ARHGEF10L: variants seen among roughly 807,000 people sequenced by gnomAD.
ARHGEF10L encodes the protein Rho guanine nucleotide exchange factor 10 like.
In ARHGEF10L, 69 loss-of-function variants were observed where a neutral mutation model predicts 141.2. The observed-to-expected ratio is 0.49, with a 90% CI of 0.40 to 0.60. The LOEUF is 0.60. ARHGEF10L is among the 20% of genes least tolerant of loss of function. The pLI, the probability that ARHGEF10L is intolerant of heterozygous loss-of-function variation, is 0.00. For synonymous variants in ARHGEF10L, 711 were observed against 718.5 expected, an observed-to-expected ratio of 0.99 and a Z score of 0.17; for missense variants, 1,482 against 1,734.3, an observed-to-expected ratio of 0.85 and a Z score of 2.58.
At chr1:17,543,561 G>C (rs2076807583) in intron 1 of ARHGEF10L, among the ~76,000 whole-genome samples, 1 of 151,762 alleles carries the variant, frequency 6.6e-6, no homozygotes, top group Admixed American at 6.6e-5. Context: ...CCAGCCTGGG[G>C]GACAAGAGTA....
At chr1:17,535,380 G>C (rs556950892), upstream of ARHGEF10L, among the ~76,000 whole-genome samples, 1 of 152,208 alleles carries the variant, frequency 6.6e-6, no homozygotes, top group Admixed American at 6.5e-5. Context: ...TGTGTGACCT[G>C]GTTCCTAACA....
rs1170388590 is a variant in ARHGEF10L, at chr1:17,603,943, A to G, written c.433+352A>G. ...ACAGACTGTTACACTCAAAGGGTGA[A>G]GCAGATAAAGCTTTGCAAAGCCCTG... On this transcript the variant is annotated intron_variant, in intron 6 of 28. Transcript: ENST00000361221. The surrounding 1 kb of genome is among the most constrained non-coding windows in gnomAD (Gnocchi z 4.8). Among the ~76,000 whole-genome samples the G allele has an allele frequency of 6.6e-6, 1 of 152,174 alleles. No homozygotes were observed. The highest frequency in any genetic ancestry group is 2.4e-5 in the African/African-American group (1 of 41,442).
intron 1 of ARHGEF10L, among the ~76,000 whole-genome samples, chr1:17,569,007 T>A (rs1195842655): frequency 6.6e-6 from 1 of 152,184 alleles, no homozygotes; most frequent in African/African-American, 2.4e-5. Flanking sequence ...ATTGGCCTGA[T>A]CCTGATGGAT....
In ARHGEF10L at chr1:17,644,015, C is replaced by T. The variant is rs2061460034; in HGVS notation, c.2272+3713C>T. Among the ~76,000 whole-genome samples, 1 of 152,206 alleles carries T rather than the reference C, an allele frequency of 6.6e-6. No homozygotes were observed. The highest frequency in any genetic ancestry group is 1.5e-5 in the Non-Finnish European group (1 of 68,032). ...CTGTACCCTCCCCCGCCACCACCTG[C>T]TCTGCTCACAAAGCTGCATTGCTGC... On this transcript the variant is annotated intron_variant, in intron 21 of 28. Transcript: ENST00000361221. The surrounding 1 kb of genome is among the most constrained non-coding windows in gnomAD (Gnocchi z 4.5).
At chr1:17,565,816 G>A (rs1480954851) in intron 1 of ARHGEF10L, among the ~76,000 whole-genome samples, 1 of 152,152 alleles carries the variant, frequency 6.6e-6, no homozygotes, top group African/African-American at 2.4e-5. Flanking sequence ...GGCAAAAGAT[G>A]CAGTCCCACC....
At chr1:17,531,026 T>G in the ARHGEF10L span, among the ~76,000 whole-genome samples, 5 of 150,334 alleles carry the variant, frequency 3.3e-5, no homozygotes, top group African/African-American at 4.9e-5. Flanking sequence ...AAAATAAAAA[T>G]AAAAAAAAGA....
In ARHGEF10L at chr1:17,656,053, C is replaced by A. The variant is rs779488776; in HGVS notation, c.2656C>A (p.Pro886Thr). The change falls in exon 24 of 29, where the codon CCC becomes ACC. Residue 886 changes from proline (P) to threonine (T), a missense_variant. Physicochemically the swap from Pro to Thr is conservative, Grantham distance 38. This residue lies in a region of ARHGEF10L where 858 missense variants were observed against 966.3 expected (regional missense o/e 0.89). Coordinates refer to ENST00000361221, the MANE Select transcript of ARHGEF10L (RefSeq NM_018125.4). The surrounding 1 kb of genome is among the most constrained non-coding windows in gnomAD (Gnocchi z 4.9). Reference sequence around the variant, plus strand: ...AGACGAGAGCCCGACAGTTGCTGACCCCTCGGCCACGGTGCATCCAACCAT... The same window carrying A: ...AGACGAGAGCCCGACAGTTGCTGACACCTCGGCCACGGTGCATCCAACCAT... ...SRDESPTVAD[P>T]SATVHPTICL... 9 of 1,565,878 alleles carry A rather than the reference C, an allele frequency of 5.7e-6. 1 individual carries two copies. Among genetic ancestry groups the A allele is most frequent in the South Asian group, 3.5e-5 (3 of 85,016 alleles).
At position 17,625,921 on chromosome 1, in the gene ARHGEF10L, G is replaced by A. The variant is rs770182412; in HGVS notation, c.1318-35G>A. The A allele has an allele frequency of 6.3e-7, 1 of 1,597,644 alleles. No individual in the cohort carries two copies. Among genetic ancestry groups the A allele is most frequent in the South Asian group, 1.1e-5 (1 of 90,574 alleles). On this transcript the variant is annotated intron_variant, in intron 13 of 28. Coordinates refer to ENST00000361221, the MANE Select transcript of ARHGEF10L (RefSeq NM_018125.4). The surrounding 1 kb of genome is among the most constrained non-coding windows in gnomAD (Gnocchi z 4.5). ...CTGGGGCACTGGGCCCTCTCTGCAG[G>A]GGGTCAGCGAATGACGGAACCTTGT... is the stretch of plus-strand genomic sequence containing the variant.
intron 1 of ARHGEF10L, among the ~76,000 whole-genome samples, chr1:17,550,913 G>A (rs548335589): frequency 1.3e-5 from 2 of 152,160 alleles, no homozygotes; most frequent in East Asian, 3.9e-4. Context: ...TTAGTGCCAG[G>A]TGCTGAACTA....
chr1:17,612,625 A>G (rs1234739336), intron 7 of ARHGEF10L, among the ~76,000 whole-genome samples: 1 of 152,064 alleles, frequency 6.6e-6, no homozygotes, highest in East Asian at 1.9e-4. Flanking sequence ...CATTCCATCT[A>G]TCCATCCACC....
At chr1:17,681,720 C>T (rs542170612) in intron 26 of ARHGEF10L, among the ~76,000 whole-genome samples, 5 of 152,304 alleles carry the variant, frequency 3.3e-5, no homozygotes, top group Admixed American at 6.5e-5. Context: ...AGGGTAGCGT[C>T]GGCTGGATCT....
intron 4 of ARHGEF10L, among the ~76,000 whole-genome samples, chr1:17,595,632 G>A (rs1421796878): frequency 1.3e-5 from 2 of 152,128 alleles, no homozygotes; most frequent in Non-Finnish European, 2.9e-5. Flanking sequence ...AGAGACACAC[G>A]GGGTCCTGGA....
chr1:17,695,258 G>T lies in ARHGEF10L; in HGVS notation c.3285G>T (p.Leu1095=). Residue 1095 remains leucine (L), a synonymous_variant, in exon 28 of 29, where the codon CTG becomes CTT. Transcript: ENST00000361221. ...TCGTCCTGCTGCCCGTGCCTCGGCT[G>T]GAAGGCATCCCCAAGATCACAGGTG... The part of the protein sequence containing the change: ...GVIVLLPVPR[L]EGIPKITGKG... 6.3e-7 allele frequency: 1 copy of T among 1,593,284 alleles called. No homozygotes were observed. Among genetic ancestry groups the T allele is most frequent in the Non-Finnish European group, 8.5e-7 (1 of 1,170,344 alleles).
In ARHGEF10L at chr1:17,632,061, G is replaced by A. The variant is rs143523342; in HGVS notation, c.1585-260G>A. Among the ~76,000 whole-genome samples, 515 of 152,332 alleles carry A rather than the reference G, an allele frequency of 3.4e-3. 2 individuals carry two copies. Among genetic ancestry groups the A allele is most frequent in the African/African-American group, 0.011 (478 of 41,576 alleles). On this transcript the variant is annotated intron_variant, in intron 15 of 28. Coordinates refer to ENST00000361221, the MANE Select transcript of ARHGEF10L (RefSeq NM_018125.4). ...CAATGGCTGGCTCACCTGAGAAGGGGGCACTGGCTGCTGGGCCCACACGGG... is the reference window on the plus strand; with the variant it reads ...CAATGGCTGGCTCACCTGAGAAGGGAGCACTGGCTGCTGGGCCCACACGGG...
At chr1:17,669,421 C>G (rs2063181914) in intron 26 of ARHGEF10L, among the ~76,000 whole-genome samples, 1 of 152,226 alleles carries the variant, frequency 6.6e-6, no homozygotes, top group Non-Finnish European at 1.5e-5. Flanking sequence ...ATTTAATCCT[C>G]AAATCACGCT....
At chr1:17,657,634 G>T (rs1195753700) in intron 25 of ARHGEF10L, among the ~76,000 whole-genome samples, 3 of 152,026 alleles carry the variant, frequency 2.0e-5, no homozygotes, top group Non-Finnish European at 4.4e-5. Context: ...TTGCCACTTG[G>T]CACTGTGTTG....
At position 17,656,339 on chromosome 1, in the gene ARHGEF10L, C is replaced by T. The variant is rs926881963; in HGVS notation, c.2706-215C>T. On this transcript the variant is annotated intron_variant, in intron 24 of 28. Transcript: ENST00000361221. This position sits in a 1 kb window ranked among gnomAD's most constrained non-coding sequence, Gnocchi z 4.9. ...GGCTGGCTCTTTTGCCTCCCTGAGT[C>T]CTCTTCGTGACAGAGGTGTCAGGGA... 6.6e-6 allele frequency among the ~76,000 whole-genome samples: 1 copy of T among 152,200 alleles called. No individual in the cohort carries two copies. Among genetic ancestry groups the T allele is most frequent in the South Asian group, 2.1e-4 (1 of 4,832 alleles).
intron 7 of ARHGEF10L, among the ~76,000 whole-genome samples, chr1:17,611,882 T>A (rs1019587012): frequency 1.3e-5 from 2 of 152,202 alleles, no homozygotes; most frequent in Non-Finnish European, 2.9e-5. Flanking sequence ...CTTGGTCTTT[T>A]GTGTACTTTA....
chr1:17,647,905 TG>T (rs2061691507), intron 21 of ARHGEF10L, among the ~76,000 whole-genome samples: 1 of 152,116 alleles, frequency 6.6e-6, no homozygotes, highest in Non-Finnish European at 1.5e-5. Flanking sequence ...GTCCTGGGTC[TG>T]GGGTCGGGTT....
Sources: allele counts gnomAD v4.1 joint callset (sites outside exome capture counted in the v4.1 genomes callset), GRCh38; gene constraint gnomAD v4.1.1; regional missense constraint gnomAD v4.1.1; non-coding constraint Gnocchi (gnomAD v3.1); transcripts MANE v1.5; gene names NCBI Gene and HGNC (gene_info 2026-07-23, HGNC 2026-07-21).